The following KIF5C variants were observed in gnomAD, a reference collection of about 807,000 sequenced individuals.
KIF5C encodes kinesin family member 5C, also known as kinesin heavy chain isoform 5C.
KIF5C carries 18 observed loss-of-function variants against 125.2 expected under a neutral mutation model. That is an observed-to-expected ratio of 0.14 (90% CI 0.10 to 0.21). The LOEUF is 0.21. Ranked by LOEUF, KIF5C falls within the 10% of genes least tolerant of loss-of-function variation. The pLI is 1.00. For missense variants in KIF5C, 780 were observed against 1,183.8 expected (o/e 0.66, Z 5.01); for synonymous variants, 405 against 434.0 (o/e 0.93, Z 0.83).
intron 17 of KIF5C, among the ~76,000 whole-genome samples, chr2:148,996,918 T>C (rs1420043117): frequency 1.3e-5 from 2 of 152,312 alleles, no homozygotes; most frequent in African/African-American, 4.8e-5. Flanking sequence ...GCACATGACC[T>C]TGGGCTGCTC....
intron 1 of KIF5C, 82 bp from the exon 2 acceptor site, chr2:148,922,055 C>A: frequency 1.2e-6 from 1 of 866,222 alleles, no homozygotes; most frequent in Non-Finnish European, 1.8e-6. Context: ...TATGGCCTAG[C>A]TACTAATGTT....
At chr2:148,991,966 G>A (rs1681538172) in intron 16 of KIF5C, among the ~76,000 whole-genome samples, 1 of 152,314 alleles carries the variant, frequency 6.6e-6, no homozygotes, top group East Asian at 1.9e-4. Context: ...CTTGGTATTT[G>A]GGTCTGACGT....
intron 7 of KIF5C, among the ~76,000 whole-genome samples, chr2:148,945,565 T>G (rs1395421166): frequency 6.6e-6 from 1 of 152,178 alleles, no homozygotes; most frequent in East Asian, 1.9e-4. Context: ...TATTTTTTAT[T>G]TTTCCATAGG....
intron 6 of KIF5C, 126 bp downstream of exon 6, chr2:148,942,116 A>G: frequency 9.6e-7 from 1 of 1,040,196 alleles, no homozygotes; most frequent in East Asian, 2.8e-5. Flanking sequence ...GGCTCCTTAT[A>G]TTTAATATTC....
chr2:148,932,749 C>T (rs918766767), intron 3 of KIF5C, among the ~76,000 whole-genome samples: 1 of 152,154 alleles, frequency 6.6e-6, no homozygotes, highest in Non-Finnish European at 1.5e-5. Context: ...GCTTCCCAGC[C>T]GTCCCGCCAA....
chr2:148,946,789 CT>C (rs1682529797), intron 7 of KIF5C, 109 bp from the exon 8 acceptor site: 5 of 1,485,158 alleles, frequency 3.4e-6, no homozygotes, highest in Non-Finnish European at 4.5e-6. Context: ...ACTGGACTTA[CT>C]TCAATGAAAT....
chr2:148,877,188 C>T (rs569571520), intron 1 of KIF5C: 1 of 152,370 alleles, frequency 6.6e-6, no homozygotes, highest in East Asian at 1.9e-4. Context: ...GCTAGAGGAG[C>T]CTGGGCAAGG....
intron 1 of KIF5C, among the ~76,000 whole-genome samples, chr2:148,909,464 C>G (rs1281193820): frequency 6.6e-6 from 1 of 152,200 alleles, no homozygotes; most frequent in Non-Finnish European, 1.5e-5. Context: ...ATGAAAGCTT[C>G]GTAAAGACAA....
chr2:148,906,679 A>G (rs1681121102), intron 1 of KIF5C, among the ~76,000 whole-genome samples: 1 of 151,588 alleles, frequency 6.6e-6, no homozygotes, highest in African/African-American at 2.4e-5. Context: ...AGCCTGGGCA[A>G]TGTGGTGAAA....
At chr2:148,947,921 C>G (rs1682557941) in intron 8 of KIF5C, 1 of 456,640 alleles carries the variant, frequency 2.2e-6, no homozygotes, top group African/African-American at 2.0e-5. Flanking sequence ...CACTACATCA[C>G]TGAGTTCCCG....
At chr2:148,911,304 A>G (rs1171316450) in intron 1 of KIF5C, among the ~76,000 whole-genome samples, 1 of 152,226 alleles carries the variant, frequency 6.6e-6, no homozygotes, top group African/African-American at 2.4e-5. Flanking sequence ...TGGCAGTGAC[A>G]GAGGAAAAGA....
At chr2:148,937,507 G>C in intron 4 of KIF5C, 119 bp downstream of exon 4, 1 of 1,373,140 alleles carries the variant, frequency 7.3e-7, no homozygotes, top group Non-Finnish European at 9.6e-7. Context: ...CATTCTTGTG[G>C]TAAGCAGAGC....
intron 21 of KIF5C, among the ~76,000 whole-genome samples, chr2:149,001,297 A>G (rs1681845011): frequency 6.6e-6 from 1 of 152,180 alleles, no homozygotes; most frequent in Admixed American, 6.5e-5. Context: ...ACCTTTGAGC[A>G]GGGACTCGAA....
At chr2:148,919,870 A>T (rs1025212457) in intron 1 of KIF5C, among the ~76,000 whole-genome samples, 1 of 152,174 alleles carries the variant, frequency 6.6e-6, no homozygotes, top group African/African-American at 2.4e-5. Context: ...ATAACAAATC[A>T]CTTTCTAAAT....
intron 12 of KIF5C, among the ~76,000 whole-genome samples, chr2:148,974,560 A>T (rs1037411879): frequency 1.3e-5 from 2 of 152,320 alleles, no homozygotes; most frequent in Non-Finnish European, 2.9e-5. Flanking sequence ...CACATTTAAT[A>T]AAATATTCGC....
intron 8 of KIF5C, among the ~76,000 whole-genome samples, chr2:148,949,635 A>G (rs761893696): frequency 1.7e-4 from 26 of 152,170 alleles, no homozygotes; most frequent in Non-Finnish European, 3.4e-4. Context: ...CTAAAACCCA[A>G]TTGAGAGGAA....
At chr2:148,916,173 T>C (rs947158183) in intron 1 of KIF5C, among the ~76,000 whole-genome samples, 1 of 152,172 alleles carries the variant, frequency 6.6e-6, no homozygotes, top group Admixed American at 6.5e-5. Context: ...AGTGAGAGGA[T>C]AGTCAGGCCC....
rs138503476 is a variant in KIF5C, at chr2:148,905,765, C to T, written c.127-16372C>T. 8.5e-5 allele frequency among the ~76,000 whole-genome samples: 13 copies of T among 152,142 alleles called. 1 individual carries two copies. Among genetic ancestry groups the T allele is most frequent in the East Asian group, 1.9e-4 (1 of 5,180 alleles). On this transcript the variant is annotated intron_variant, in intron 1 of 25. Coordinates refer to ENST00000435030, the MANE Select transcript of KIF5C (RefSeq NM_004522.3). ...TTCACACTGCTGAAAAAGACATGCC[C>T]GAGACTGGGTAATTTATAAAGAAAA...
At chr2:148,946,859 A>T (rs775435118) in intron 7 of KIF5C, 40 bp from the exon 8 acceptor site, 1 of 1,604,154 alleles carries the variant, frequency 6.2e-7, no homozygotes, top group Admixed American at 1.8e-5. Context: ...ACCTAAACCT[A>T]CATGTTCTTT....
Sources: allele counts gnomAD v4.1 joint callset (sites outside exome capture counted in the v4.1 genomes callset), GRCh38; gene constraint gnomAD v4.1.1; transcripts MANE v1.5; gene names NCBI Gene and HGNC (gene_info 2026-07-23, HGNC 2026-07-21).